Variants in DOK5 observed in about 807,000 individuals in gnomAD.
The protein encoded by DOK5 is downstream of tyrosine kinase 5.
Under a neutral mutation model 43.3 loss-of-function variants are expected in DOK5, and 27 were observed. That is an observed-to-expected ratio of 0.62 (90% CI 0.46 to 0.86). The LOEUF (loss-of-function observed/expected upper bound fraction) is 0.86, where lower values mean the gene tolerates loss of function less well. Ranked by LOEUF, DOK5 falls within the 40% of genes least tolerant of loss-of-function variation. The probability of loss-of-function intolerance (pLI) is 0.00; values close to 1 mark genes in which losing one functional copy is unlikely to be tolerated. For synonymous variants in DOK5, 146 were observed against 140.1 expected (o/e 1.04, Z -0.30); for missense variants, 373 against 392.9 (o/e 0.95, Z 0.43).
At chr20:54,526,140 CT>C (rs11086457) in intron 1 of DOK5, among the ~76,000 whole-genome samples, 34,009 of 139,746 alleles carry the variant, frequency 0.24, 7,318 homozygotes, top group African/African-American at 0.59. Context: ...CAAGATTTTT[CT>C]TTTTTTTTTT....
intron 6 of DOK5, among the ~76,000 whole-genome samples, chr20:54,612,960 C>T (rs1463716781): frequency 2.6e-5 from 4 of 152,124 alleles, no homozygotes; most frequent in Admixed American, 2.6e-4. Flanking sequence ...TCTTAAAGAC[C>T]CCTCTTAAAG....
chr20:54,521,992 T>C (rs763881701), intron 1 of DOK5, among the ~76,000 whole-genome samples: 3 of 152,216 alleles, frequency 2.0e-5, no homozygotes, highest in Admixed American at 6.5e-5. Context: ...AACTGCTTCA[T>C]ATTGTTCTTG....
At chr20:54,522,766 C>T (rs571052073) in intron 1 of DOK5, among the ~76,000 whole-genome samples, 4 of 152,230 alleles carry the variant, frequency 2.6e-5, no homozygotes, top group Admixed American at 6.5e-5. Flanking sequence ...CCACTTACCT[C>T]GGCCTCCCAA....
chr20:54,609,029 C>T (rs1189537826), intron 5 of DOK5, among the ~76,000 whole-genome samples: 1 of 152,140 alleles, frequency 6.6e-6, no homozygotes, highest in Non-Finnish European at 1.5e-5. Context: ...AAATTTAATT[C>T]AAATGTAATG....
At chr20:54,496,503 C>T (rs1316567492) in intron 1 of DOK5, among the ~76,000 whole-genome samples, 2 of 152,132 alleles carry the variant, frequency 1.3e-5, no homozygotes, top group African/African-American at 4.8e-5. Context: ...CACGGTGGCT[C>T]ATGCCTGTAA....
Position 54,623,093 on chromosome 20 carries a change from C to T in DOK5, c.735+12570C>T, listed in dbSNP as rs115865144. ...GTATGTGAGCAAGCAAATTGGAACG[C>T]GTAGTCACCCTAAAACAGCGGTTCT... On this transcript the variant is annotated intron_variant, in intron 6 of 7. Transcript: ENST00000262593. Among the ~76,000 whole-genome samples the T allele has an allele frequency of 4.7e-3, 710 of 152,184 alleles. 9 individuals carry two copies. Among genetic ancestry groups the T allele is most frequent in the African/African-American group, 0.015 (641 of 41,514 alleles).
At chr20:54,577,099 T>C (rs1196751824) in intron 2 of DOK5, among the ~76,000 whole-genome samples, 2 of 152,244 alleles carry the variant, frequency 1.3e-5, no homozygotes, top group Non-Finnish European at 2.9e-5. Flanking sequence ...ATACTTGTTT[T>C]AGAAGCTGGA....
chr20:54,586,772 T>C (rs1235840235), intron 2 of DOK5, among the ~76,000 whole-genome samples: 1 of 151,934 alleles, frequency 6.6e-6, no homozygotes, highest in African/African-American at 2.4e-5. Context: ...TAAGGAGAGA[T>C]AGAGAAGGCC....
intron 1 of DOK5, among the ~76,000 whole-genome samples, chr20:54,510,006 G>C (rs983539251): frequency 1.3e-5 from 2 of 152,070 alleles, no homozygotes; most frequent in African/African-American, 4.8e-5. Context: ...ATACATGCTG[G>C]GCTTACTACC....
At chr20:54,513,904 A>G (rs1347725719) in intron 1 of DOK5, among the ~76,000 whole-genome samples, 2 of 152,160 alleles carry the variant, frequency 1.3e-5, no homozygotes, top group Non-Finnish European at 2.9e-5. Flanking sequence ...GTTTTTTTGA[A>G]TTAGGACAGA....
chr20:54,612,410 A>T (rs73913631), intron 6 of DOK5, among the ~76,000 whole-genome samples: 1,715 of 152,278 alleles, frequency 0.011, 26 homozygotes, highest in African/African-American at 0.04. Flanking sequence ...TGTCAACCTG[A>T]CTGGGACACA....
At chr20:54,558,852 TC>T (rs1432558485) in intron 2 of DOK5, among the ~76,000 whole-genome samples, 6 of 152,214 alleles carry the variant, frequency 3.9e-5, no homozygotes, top group Non-Finnish European at 8.8e-5. Context: ...TTTAGAAGTT[TC>T]AACACAAGAA....
intron 6 of DOK5, among the ~76,000 whole-genome samples, chr20:54,616,056 C>G (rs4324376): frequency 0.47 from 70,852 of 152,060 alleles, 21,538 homozygotes; most frequent in African/African-American, 0.85. Flanking sequence ...CCACCACTTG[C>G]TGGTAATTTG....
At chr20:54,614,973 A>G (rs560077771) in intron 6 of DOK5, among the ~76,000 whole-genome samples, 68 of 152,336 alleles carry the variant, frequency 4.5e-4, no homozygotes, top group Admixed American at 1.2e-3. Context: ...ATTCCCCACT[A>G]GGAATTGCCT....
chr20:54,532,729 G>A (rs1238453911), intron 1 of DOK5, among the ~76,000 whole-genome samples: 1 of 152,150 alleles, frequency 6.6e-6, no homozygotes, highest in African/African-American at 2.4e-5. Context: ...TCTGCCTGCT[G>A]GCAGTGACTT....
At chr20:54,641,082 TA>T (rs1600761102) in intron 6 of DOK5, among the ~76,000 whole-genome samples, 1 of 152,212 alleles carries the variant, frequency 6.6e-6, no homozygotes. Context: ...ATTTGTCCAT[TA>T]AAAATACATT....
At chr20:54,643,692 A>C in intron 7 of DOK5, 114 bp downstream of exon 7, 1 of 1,379,624 alleles carries the variant, frequency 7.2e-7, no homozygotes, top group Non-Finnish European at 9.7e-7. Flanking sequence ...CCTTCCTCCA[A>C]AGGTAGGACC....
At chr20:54,631,774 C>T (rs978483143) in intron 6 of DOK5, among the ~76,000 whole-genome samples, 2 of 152,062 alleles carry the variant, frequency 1.3e-5, no homozygotes, top group Admixed American at 6.6e-5. Context: ...GAGATCGAGA[C>T]CATCCTGGCC....
intron 6 of DOK5, among the ~76,000 whole-genome samples, chr20:54,624,384 C>T (rs913301057): frequency 6.6e-6 from 1 of 152,152 alleles, no homozygotes; most frequent in Admixed American, 6.5e-5. Flanking sequence ...CAGCTCCATT[C>T]GAGCCTGTAA....
Sources: allele counts gnomAD v4.1 joint callset (sites outside exome capture counted in the v4.1 genomes callset), GRCh38; gene constraint gnomAD v4.1.1; transcripts MANE v1.5; gene names NCBI Gene and HGNC (gene_info 2026-07-23, HGNC 2026-07-21).